TENM3: variants seen among roughly 807,000 people sequenced by gnomAD.
TENM3 encodes teneurin transmembrane protein 3, also known as teneurin-3.
Under a neutral mutation model 255.1 loss-of-function variants are expected in TENM3, and 63 were observed. The ratio of observed to expected loss-of-function variants is 0.25; its 90% CI spans 0.20 to 0.30. TENM3 has a LOEUF of 0.30. TENM3 is among the 10% of genes least tolerant of loss of function. The pLI is 1.00. For missense variants in TENM3, 2,929 were observed against 3,461.1 expected, an observed-to-expected ratio of 0.85 and a Z score of 3.86; for synonymous variants, 1,306 against 1,322.3, an observed-to-expected ratio of 0.99 and a Z score of 0.27.
intron 3 of TENM3, chr4:182,449,224 C>CTCCGGAGCT (rs1239977120): frequency 1.8e-4 from 24 of 130,144 alleles, no homozygotes; most frequent in Non-Finnish European, 3.6e-4. Context: ...GCGGCGGCGG[C>CTCCGGAGCT]GGCGGCTCCG....
chr4:182,261,882 C>G (rs534449095), intron 1 of TENM3, among the ~76,000 whole-genome samples: 1 of 152,198 alleles, frequency 6.6e-6, no homozygotes, highest in East Asian at 1.9e-4. Context: ...CACTGTGGAT[C>G]GTGTAGGCAG....
intron 3 of TENM3, among the ~76,000 whole-genome samples, chr4:182,526,002 C>T (rs1053315336): frequency 1.1e-4 from 16 of 152,222 alleles, no homozygotes; most frequent in African/African-American, 3.9e-4. Context: ...TTTTTTGAGA[C>T]AGGGTCGTGC....
At chr4:181,780,822 T>G in the TENM3 span, among the ~76,000 whole-genome samples, 5 of 152,236 alleles carry the variant, frequency 3.3e-5, no homozygotes, top group African/African-American at 4.8e-5. Flanking sequence ...AGGGATCCAG[T>G]TGCAGCTTTC....
At chr4:181,836,029 T>C in the TENM3 span, among the ~76,000 whole-genome samples, 1 of 152,258 alleles carries the variant, frequency 6.6e-6, no homozygotes, top group Non-Finnish European at 1.5e-5. Flanking sequence ...GTGGTGGACA[T>C]CTCTGCTCAT....
intron 1 of TENM3, among the ~76,000 whole-genome samples, chr4:182,216,176 G>A (rs1036373543): frequency 6.6e-6 from 1 of 152,206 alleles, no homozygotes; most frequent in Non-Finnish European, 1.5e-5. Flanking sequence ...CCAGCACACA[G>A]GCCTCAGAAT....
chr4:182,432,225 T>G (rs141616247), intron 3 of TENM3, among the ~76,000 whole-genome samples: 1 of 152,318 alleles, frequency 6.6e-6, no homozygotes, highest in South Asian at 2.1e-4. Context: ...ATAAAATTTC[T>G]ACGTGTAAAA....
At chr4:182,346,457 C>T (rs897433094) in intron 2 of TENM3, among the ~76,000 whole-genome samples, 194 bp from the exon 3 acceptor site, 2 of 151,988 alleles carry the variant, frequency 1.3e-5, no homozygotes, top group African/African-American at 4.8e-5. Context: ...GTTGGGGCCC[C>T]GCCCTCCTCC....
chr4:182,201,403 C>T (rs1039352469), intron 1 of TENM3, among the ~76,000 whole-genome samples: 2 of 152,084 alleles, frequency 1.3e-5, no homozygotes, highest in African/African-American at 4.8e-5. Context: ...GACACATTTT[C>T]GATTAAGATG....
At chr4:182,499,645 A>G (rs1377055777) in intron 3 of TENM3, among the ~76,000 whole-genome samples, 1 of 152,158 alleles carries the variant, frequency 6.6e-6, no homozygotes, top group Non-Finnish European at 1.5e-5. Context: ...CATCTTCATT[A>G]CTTGTCCTAA....
intron 1 of TENM3, among the ~76,000 whole-genome samples, chr4:182,191,599 G>A (rs946400683): frequency 2.6e-5 from 4 of 152,046 alleles, no homozygotes; most frequent in African/African-American, 7.2e-5. Flanking sequence ...TTAGAGCCTA[G>A]GTATTAGGAG....
the TENM3 span, among the ~76,000 whole-genome samples, chr4:181,654,051 C>T: frequency 1.3e-5 from 2 of 151,988 alleles, no homozygotes; most frequent in African/African-American, 4.8e-5. Context: ...CCTTACACCT[C>T]CCTTACATCC....
At chr4:182,603,784 T>TATATATATATATACACAC (rs58332965) in intron 4 of TENM3, among the ~76,000 whole-genome samples, 1 of 134,164 alleles carries the variant, frequency 7.5e-6, no homozygotes, top group African/African-American at 2.7e-5. Flanking sequence ...TATATATATA[T>TATATATATATATACACAC]ACACACACAC....
chr4:182,538,088 A>C (rs1740514404), intron 3 of TENM3, among the ~76,000 whole-genome samples: 1 of 152,346 alleles, frequency 6.6e-6, no homozygotes, highest in East Asian at 1.9e-4. Context: ...TACATTAATT[A>C]GTCTAATATA....
At chr4:181,766,754 C>CAA in the TENM3 span, among the ~76,000 whole-genome samples, 2 of 114,842 alleles carry the variant, frequency 1.7e-5, no homozygotes, top group Non-Finnish European at 1.8e-5. Flanking sequence ...TGTAGGCGTT[C>CAA]AAAAAAAAAA....
the TENM3 span, among the ~76,000 whole-genome samples, chr4:181,683,521 A>G: frequency 6.6e-6 from 1 of 152,220 alleles, no homozygotes; most frequent in Admixed American, 6.5e-5. Flanking sequence ...TGGGGGGGCC[A>G]AGAATTTGTG....
At chr4:181,920,909 T>G in the TENM3 span, among the ~76,000 whole-genome samples, 1 of 152,220 alleles carries the variant, frequency 6.6e-6, no homozygotes, top group Non-Finnish European at 1.5e-5. Flanking sequence ...TTGATTTTTG[T>G]ATAAGGTGTA....
At chr4:181,562,481 G>C in the TENM3 span, among the ~76,000 whole-genome samples, 1 of 152,118 alleles carries the variant, frequency 6.6e-6, no homozygotes. Flanking sequence ...ATGTGGGCCA[G>C]TTGTCTAAAA....
At chr4:181,909,782 A>C in the TENM3 span, among the ~76,000 whole-genome samples, 1 of 152,190 alleles carries the variant, frequency 6.6e-6, no homozygotes, top group Non-Finnish European at 1.5e-5. Context: ...TCTCCCCAAT[A>C]CAGTGTATAG....
the TENM3 span, among the ~76,000 whole-genome samples, chr4:181,523,499 C>G: frequency 1.3e-5 from 2 of 151,592 alleles, no homozygotes; most frequent in Admixed American, 1.3e-4. Flanking sequence ...AGTGAAAGGA[C>G]TAGAAATAAA....
Sources: allele counts gnomAD v4.1 joint callset (sites outside exome capture counted in the v4.1 genomes callset), GRCh38; gene constraint gnomAD v4.1.1; transcripts MANE v1.5; gene names NCBI Gene and HGNC (gene_info 2026-07-23, HGNC 2026-07-21).